The following SESTD1 variants were observed in gnomAD, a reference collection of about 807,000 sequenced individuals.
SESTD1 encodes the protein SEC14 domain and spectrin repeat-containing protein 1.
SESTD1 carries 43 observed loss-of-function variants against 101.7 expected under a neutral mutation model. That is an observed-to-expected ratio of 0.42 (90% CI 0.33 to 0.55). SESTD1 has a LOEUF of 0.55. Among genes scored for constraint, SESTD1 ranks in the 20% least tolerant of loss-of-function variants. The probability of loss-of-function intolerance (pLI) is 0.07; values close to 1 mark genes in which losing one functional copy is unlikely to be tolerated. For missense variants in SESTD1, 647 were observed against 815.1 expected (o/e 0.79, Z 2.51); for synonymous variants, 283 against 286.8 (o/e 0.99, Z 0.13).
At chr2:179,199,246 C>T (rs2046459576) in intron 1 of SESTD1, among the ~76,000 whole-genome samples, 1 of 151,944 alleles carries the variant, frequency 6.6e-6, no homozygotes, top group African/African-American at 2.4e-5. Flanking sequence ...TCTCCCAAGA[C>T]TAAACCAGGA....
chr2:179,188,013 G>A (rs1422503784), intron 2 of SESTD1, among the ~76,000 whole-genome samples: 2 of 152,130 alleles, frequency 1.3e-5, no homozygotes, highest in African/African-American at 4.8e-5. Flanking sequence ...CACCGATAGA[G>A]TTAGACAGAT....
Position 179,183,090 on chromosome 2 carries a change from T to C in SESTD1, c.154A>G (p.Ser52Gly), listed in dbSNP as rs749394328. 1 of 1,603,168 alleles carries C rather than the reference T, an allele frequency of 6.2e-7. No individual in the cohort carries two copies. The highest frequency in any genetic ancestry group is 8.5e-7 in the Non-Finnish European group (1 of 1,174,766). ...ELSVTLDYLL[S>G]IPSEKCKARG... The stretch of plus-strand genomic sequence containing the variant: ...CACCTTTAGAGTCACCTTGGAATGC[T>C]GAGTAGGTAGTCTAAGGTGACACTC... Residue 52 changes from serine (S) to glycine (G), a missense_variant, in exon 3 of 18, where the codon AGC (serine) becomes GGC (glycine). Around this residue, in one of 3 missense-constraint regions of SESTD1, gnomAD observed 168 missense variants for 235.1 expected, o/e 0.71. Coordinates refer to ENST00000428443, the MANE Select transcript of SESTD1 (RefSeq NM_178123.5).
rs1315170259 is a variant in SESTD1, at chr2:179,183,073, G to GAGTC, written c.164+3_164+6dup. On this transcript the variant is annotated splice_region_variant and intron_variant, in intron 3 of 17. Coordinates refer to ENST00000428443, the MANE Select transcript of SESTD1 (RefSeq NM_178123.5). ...TGAGATTTAAGAAAAGACACCTTTA[G>GAGTC]AGTCACCTTGGAATGCTGAGTAGGT... is the stretch of plus-strand genomic sequence containing the variant. The GAGTC allele has an allele frequency of 1.9e-6, 3 of 1,574,074 alleles. No individual in the cohort carries two copies. Among genetic ancestry groups the GAGTC allele is most frequent in the Non-Finnish European group, 2.6e-6 (3 of 1,156,578 alleles).
chr2:179,117,432 T>A, intron 14 of SESTD1, 100 bp downstream of exon 14: 1 of 1,047,908 alleles, frequency 9.5e-7, no homozygotes. Context: ...TTCAAGAATT[T>A]ACTTTTTTAG....
At chr2:179,196,145 A>G (rs2046389122) in intron 1 of SESTD1, among the ~76,000 whole-genome samples, 2 of 152,226 alleles carry the variant, frequency 1.3e-5, no homozygotes, top group African/African-American at 4.8e-5. Flanking sequence ...CTCACGCAGG[A>G]AGCGCAAGGG....
rs1426672621 is a variant in SESTD1, at chr2:179,171,874, AAAG to A, written c.369+243_369+245del. Reference sequence around the variant, plus strand: ...TTAAATACAAAGGTTCTACTTATTCAAAGAAGTTAACAAAGAATGATACAATTG... The same window carrying A: ...TTAAATACAAAGGTTCTACTTATTCAAAGTTAACAAAGAATGATACAATTG... On this transcript the variant is annotated intron_variant, in intron 5 of 17. Transcript: ENST00000428443. Among the ~76,000 whole-genome samples, 12 of 152,312 alleles carry A rather than the reference AAAG, an allele frequency of 7.9e-5. 1 individual carries two copies. The highest frequency in any genetic ancestry group is 2.9e-4 in the African/African-American group (12 of 41,580).
intron 1 of SESTD1, among the ~76,000 whole-genome samples, chr2:179,236,300 C>A (rs946853926): frequency 8.0e-6 from 1 of 125,226 alleles, no homozygotes; most frequent in African/African-American, 3.1e-5. Context: ...CCAGCCTGGG[C>A]AACATAGTGA....
intron 5 of SESTD1, among the ~76,000 whole-genome samples, chr2:179,164,037 T>C (rs1029910696): frequency 6.6e-6 from 1 of 152,206 alleles, no homozygotes; most frequent in African/African-American, 2.4e-5. Context: ...AGAATGTGCG[T>C]GCAAGATCCA....
chr2:179,195,586 G>C (rs1052179773), intron 1 of SESTD1, among the ~76,000 whole-genome samples: 7 of 152,308 alleles, frequency 4.6e-5, no homozygotes, highest in African/African-American at 9.6e-5. Context: ...ACAAGCCCTA[G>C]CAAGAAAGCT....
At chr2:179,167,687 G>T (rs568724392) in intron 5 of SESTD1, among the ~76,000 whole-genome samples, 2 of 152,290 alleles carry the variant, frequency 1.3e-5, no homozygotes, top group South Asian at 4.1e-4. Flanking sequence ...ATAAATAACA[G>T]CGGCCTTCTT....
intron 3 of SESTD1, among the ~76,000 whole-genome samples, chr2:179,178,195 T>C (rs1439801896): frequency 6.6e-6 from 1 of 152,234 alleles, no homozygotes; most frequent in Non-Finnish European, 1.5e-5. Context: ...TTGTGACATG[T>C]GAATTATATC....
At position 179,213,775 on chromosome 2, in the gene SESTD1, G is replaced by C. The variant is rs575052287; in HGVS notation, c.-25-21909C>G. Among the ~76,000 whole-genome samples, 14 of 134,588 alleles carry C rather than the reference G, an allele frequency of 1.0e-4. 4 individuals are homozygous for C. Among genetic ancestry groups the C allele is most frequent in the African/African-American group, 3.5e-4 (12 of 34,344 alleles). The allele number at this position is 134,588 out of a possible 152,430, so 88.3% of individuals were successfully genotyped here. ...AAGGTTGGGTTACCCACAAAGGATG[G>C]AATCTCCTGGCAGAAACCCTACAAG... On this transcript the variant is annotated intron_variant, in intron 1 of 17. Coordinates refer to ENST00000428443, the MANE Select transcript of SESTD1 (RefSeq NM_178123.5).
chr2:179,254,681 A>G (rs2047366930), intron 1 of SESTD1, among the ~76,000 whole-genome samples: 1 of 152,256 alleles, frequency 6.6e-6, no homozygotes, highest in African/African-American at 2.4e-5. Context: ...AAGCTAGCCC[A>G]TGAAATAAAA....
chr2:179,115,196 G>A lies in SESTD1; in HGVS notation c.1708C>T (p.Arg570Cys), dbSNP rs1207696808. 10 of 1,613,516 alleles carry A rather than the reference G, an allele frequency of 6.2e-6. No individual in the cohort carries two copies. The highest frequency in any genetic ancestry group is 8.5e-6 in the Non-Finnish European group (10 of 1,179,916). ...TCCCCAGATGACCGAGAAGTGCAGC[G>A]CAAAGATTGGCATAACACAACTGTG... ...QATVVLCQSL[R>C]CTSRSSGDTL... The change falls in exon 16 of 18, where the codon CGC becomes TGC. Residue 570 changes from arginine to cysteine, a missense_variant. This residue lies in a region of SESTD1 where 476 missense variants were observed against 562.6 expected (regional missense o/e 0.85). Transcript: ENST00000428443.
chr2:179,129,003 A>AAATGATGG (rs2044947740), intron 10 of SESTD1, among the ~76,000 whole-genome samples: 1 of 152,224 alleles, frequency 6.6e-6, no homozygotes, highest in African/African-American at 2.4e-5. Flanking sequence ...ATACTTGGTG[A>AAATGATGG]AATGATGGAT....
intron 9 of SESTD1, among the ~76,000 whole-genome samples, chr2:179,139,680 C>T (rs867051799): frequency 7.2e-5 from 11 of 152,118 alleles, no homozygotes; most frequent in Admixed American, 1.3e-4. Context: ...GTTTGAAGGA[C>T]CCCACTGACT....
chr2:179,127,437 T>C (rs17363260), intron 10 of SESTD1, among the ~76,000 whole-genome samples: 18,834 of 152,262 alleles, frequency 0.12, 1,290 homozygotes, highest in South Asian at 0.25. Flanking sequence ...TAGTATGTGC[T>C]CAATTAACAT....
chr2:179,200,629 C>A (rs1035698100), intron 1 of SESTD1, among the ~76,000 whole-genome samples: 1 of 151,790 alleles, frequency 6.6e-6, no homozygotes, highest in Non-Finnish European at 1.5e-5. Flanking sequence ...ATATCTACAA[C>A]TATCTGATCT....
intron 13 of SESTD1, among the ~76,000 whole-genome samples, chr2:179,120,099 C>A (rs571788058): frequency 1.3e-5 from 2 of 152,094 alleles, no homozygotes; most frequent in East Asian, 3.9e-4. Flanking sequence ...TGCAGTGGCA[C>A]CCGCCTATAG....
Sources: allele counts gnomAD v4.1 joint callset (sites outside exome capture counted in the v4.1 genomes callset), GRCh38; gene constraint gnomAD v4.1.1; regional missense constraint gnomAD v4.1.1; transcripts MANE v1.5; gene names NCBI Gene and HGNC (gene_info 2026-07-23, HGNC 2026-07-21).